DTNA: variants seen among roughly 807,000 people sequenced by gnomAD.
The protein encoded by DTNA is dystrophin-related protein 3.
In DTNA, 43 loss-of-function variants were observed where a neutral mutation model predicts 100.7. The observed-to-expected ratio is 0.43, with a 90% CI of 0.33 to 0.55. The LOEUF is 0.55. DTNA is among the 20% of genes least tolerant of loss of function. The pLI, the probability that DTNA is intolerant of heterozygous loss-of-function variation, is 0.04. For synonymous variants in DTNA, 349 were observed against 347.9 expected (o/e 1.00, Z -0.04); for missense variants, 798 against 953.9 (o/e 0.84, Z 2.15).
intron 1 of DTNA, among the ~76,000 whole-genome samples, chr18:34,643,318 A>C (rs1056341882): frequency 6.6e-6 from 1 of 152,246 alleles, no homozygotes; most frequent in Non-Finnish European, 1.5e-5. Context: ...TGTTAGTTTA[A>C]CTTTCAAAAT....
chr18:34,879,595 C>A lies in DTNA; in HGVS notation c.2038C>A (p.Arg680=). 2 of 1,613,984 alleles carry A rather than the reference C, an allele frequency of 1.2e-6. No individual in the cohort carries two copies. Among genetic ancestry groups the A allele is most frequent in the Non-Finnish European group, 1.7e-6 (2 of 1,179,974 alleles). Residue 680 remains arginine (R), a synonymous_variant, in exon 20 of 23, where the codon CGG becomes AGG. Coordinates refer to ENST00000444659, the MANE Select transcript of DTNA (RefSeq NM_001386795.1). Reference sequence around the variant, plus strand: ...GAGTAATGTGGATTCTGAATTTGCACGGACTCAGTTTGAGGATCTTGTTCC... The same window carrying A: ...GAGTAATGTGGATTCTGAATTTGCAAGGACTCAGTTTGAGGATCTTGTTCC... The part of the protein sequence containing the change: ...TESNVDSEFA[R]TQFEDLVPSP...
At chr18:34,861,738 C>T (rs1448644581) in intron 16 of DTNA, among the ~76,000 whole-genome samples, 1 of 152,040 alleles carries the variant, frequency 6.6e-6, no homozygotes, top group African/African-American at 2.4e-5. Context: ...AATGAAGACA[C>T]TCTTAAATTA....
chr18:34,543,853 A>G (rs1461440322), intron 1 of DTNA, among the ~76,000 whole-genome samples: 2 of 152,114 alleles, frequency 1.3e-5, no homozygotes, highest in Non-Finnish European at 2.9e-5. Context: ...TAGCAGGGCC[A>G]GTAGACATCT....
chr18:34,579,047 A>G (rs1216457224), intron 1 of DTNA, among the ~76,000 whole-genome samples: 1 of 152,100 alleles, frequency 6.6e-6, no homozygotes, highest in Non-Finnish European at 1.5e-5. Flanking sequence ...TTTCTACTAC[A>G]CCTCAATGGA....
At chr18:34,741,838 A>G (rs1248704624) in intron 1 of DTNA, among the ~76,000 whole-genome samples, 1 of 152,190 alleles carries the variant, frequency 6.6e-6, no homozygotes, top group Admixed American at 6.5e-5. Flanking sequence ...TAATAGTCAA[A>G]TATTAGTATA....
chr18:34,534,288 A>G (rs2043458427), intron 1 of DTNA, among the ~76,000 whole-genome samples: 1 of 152,060 alleles, frequency 6.6e-6, no homozygotes, highest in African/African-American at 2.4e-5. Flanking sequence ...CTGTTCTTAT[A>G]TTATTGAGGC....
intron 16 of DTNA, among the ~76,000 whole-genome samples, chr18:34,862,369 G>T (rs1391409054): frequency 2.6e-5 from 4 of 151,598 alleles, no homozygotes; most frequent in African/African-American, 9.7e-5. Flanking sequence ...CCTTACTCTT[G>T]TAAGGATTGC....
At chr18:34,853,465 A>C (rs1351305392) in intron 15 of DTNA, among the ~76,000 whole-genome samples, 5 of 152,186 alleles carry the variant, frequency 3.3e-5, no homozygotes, top group African/African-American at 1.2e-4. Context: ...TCTGGTTGGC[A>C]CTTTTTCATA....
At chr18:34,821,163 G>A (rs566843614) in intron 9 of DTNA, 2 of 631,372 alleles carry the variant, frequency 3.2e-6, no homozygotes, top group African/African-American at 3.6e-5. Flanking sequence ...ATTTCAGAAA[G>A]CTTAGTTATA....
intron 22 of DTNA, 57 bp from the exon 23 acceptor site, chr18:34,887,709 C>A (rs1425368972): frequency 1.0e-6 from 1 of 985,026 alleles, no homozygotes; most frequent in South Asian, 4.7e-5. Flanking sequence ...AGTTTCATAA[C>A]CCTAATTTAG....
At chr18:34,700,429 T>G (rs1264858916) in intron 1 of DTNA, among the ~76,000 whole-genome samples, 1 of 152,200 alleles carries the variant, frequency 6.6e-6, no homozygotes, top group Admixed American at 6.5e-5. Context: ...AAGGGTCTTT[T>G]GGGCCTCATT....
In DTNA at chr18:34,889,952, C is replaced by T; in HGVS notation, c.*2218C>T. 1 of 1,066,458 alleles carries T rather than the reference C, an allele frequency of 9.4e-7. No individual in the cohort carries two copies. Among genetic ancestry groups the T allele is most frequent in the Non-Finnish European group, 1.1e-6 (1 of 880,684 alleles). 66.1% of individuals were successfully genotyped at this position (1,066,458 alleles called of 1,614,324 possible). On this transcript the variant is annotated 3_prime_UTR_variant, in exon 23 of 23. Transcript: ENST00000444659. ...TAGATGGAGCAGGTGGCCACTGGTG[C>T]CTCATACTCAGTATTGAAAACCACT... is the stretch of plus-strand genomic sequence containing the variant.
chr18:34,567,687 A>C (rs1393208764), intron 1 of DTNA, among the ~76,000 whole-genome samples: 1 of 152,210 alleles, frequency 6.6e-6, no homozygotes, highest in Non-Finnish European at 1.5e-5. Context: ...GATCTTAAAA[A>C]AAAATTTTAC....
intron 1 of DTNA, among the ~76,000 whole-genome samples, chr18:34,646,375 C>A (rs35916174): frequency 0.048 from 7,347 of 152,168 alleles, 267 homozygotes; most frequent in Non-Finnish European, 0.073. Flanking sequence ...AATAAGAAAC[C>A]ATATCTGTTA....
At chr18:34,852,933 T>C (rs1457447779) in intron 15 of DTNA, among the ~76,000 whole-genome samples, 2 of 152,178 alleles carry the variant, frequency 1.3e-5, no homozygotes, top group Non-Finnish European at 2.9e-5. Context: ...GAAATAATCA[T>C]GTGTGTTTGT....
chr18:34,826,057 T>C (rs1238754788), intron 9 of DTNA, among the ~76,000 whole-genome samples: 1 of 152,164 alleles, frequency 6.6e-6, no homozygotes, highest in Non-Finnish European at 1.5e-5. Context: ...ATGTCTTAGA[T>C]AAGTAATGCA....
chr18:34,833,277 C>T (rs1440652984), intron 11 of DTNA, among the ~76,000 whole-genome samples: 1 of 152,052 alleles, frequency 6.6e-6, no homozygotes, highest in Non-Finnish European at 1.5e-5. Flanking sequence ...GGACCCACCC[C>T]CTAAATATTT....
intron 1 of DTNA, among the ~76,000 whole-genome samples, chr18:34,637,351 A>G (rs1389391683): frequency 1.3e-5 from 2 of 152,208 alleles, no homozygotes; most frequent in Admixed American, 1.3e-4. Flanking sequence ...AGAAGTGTAA[A>G]GCCACTGTTG....
intron 1 of DTNA, among the ~76,000 whole-genome samples, chr18:34,705,296 TA>T (rs1002636438): frequency 7.4e-5 from 11 of 148,480 alleles, no homozygotes; most frequent in South Asian, 2.1e-4. Context: ...TTGTCCCTGA[TA>T]AAAAAAAAAT....
Sources: gnomAD v4.1 joint callset for allele counts (sites outside exome capture counted in the v4.1 genomes callset) on GRCh38, gnomAD v4.1.1 for gene constraint, MANE v1.5 for transcripts, NCBI Gene and HGNC (gene_info 2026-07-23, HGNC 2026-07-21) for gene names.